The following GRAMD1A variants were observed in gnomAD, a reference collection of about 807,000 sequenced individuals.
GRAMD1A encodes the protein protein Aster-A.
GRAMD1A carries 50 observed loss-of-function variants against 92.0 expected under a neutral mutation model. The ratio of observed to expected loss-of-function variants is 0.54; its 90% CI spans 0.43 to 0.69. The LOEUF is 0.69. Ranked by LOEUF, GRAMD1A falls within the 30% of genes least tolerant of loss-of-function variation. The pLI is 0.00. For synonymous variants in GRAMD1A, 405 were observed against 403.6 expected (o/e 1.00, Z -0.04); for missense variants, 819 against 978.9 (o/e 0.84, Z 2.18).
chr19:35,019,631 G>A, intron 13 of GRAMD1A, 98 bp downstream of exon 13: 1 of 1,213,404 alleles, frequency 8.2e-7, no homozygotes, highest in Non-Finnish European at 1.2e-6. Flanking sequence ...TCCCACCCTG[G>A]TGGAGGAACA....
At chr19:35,009,622 G>A in intron 3 of GRAMD1A, 179 bp downstream of exon 3, 1 of 703,468 alleles carries the variant, frequency 1.4e-6, no homozygotes, top group Non-Finnish European at 2.5e-6. Context: ...TAACCTCTCT[G>A]GGCCTCTCTC....
Position 35,013,713 on chromosome 19 carries a change from G to T in GRAMD1A, c.870+22G>T. 6.3e-7 allele frequency: 1 copy of T among 1,594,076 alleles called. No homozygotes were observed. Among genetic ancestry groups the T allele is most frequent in the East Asian group, 2.2e-5 (1 of 44,600 alleles). On this transcript the variant is annotated intron_variant, in intron 9 of 19. Coordinates refer to ENST00000317991, the MANE Select transcript of GRAMD1A (RefSeq NM_020895.5). This position sits in a 1 kb window ranked among gnomAD's most constrained non-coding sequence, Gnocchi z 4.9. ...TGGGGTGAGCGGTGGGTTGGAAGAG[G>T]GGTGGGATACTGATAGGAAGAGAGA...
chr19:35,015,735 A>T (rs1488402763), intron 10 of GRAMD1A, 89 bp from the exon 11 acceptor site: 2 of 1,313,346 alleles, frequency 1.5e-6, no homozygotes, highest in Non-Finnish European at 2.1e-6. Flanking sequence ...GCCCATGCAC[A>T]CTACAAGGCC....
At chr19:35,009,551 C>A in intron 3 of GRAMD1A, 108 bp downstream of exon 3, 1 of 1,151,958 alleles carries the variant, frequency 8.7e-7, no homozygotes, top group Non-Finnish European at 1.3e-6. Flanking sequence ...GGAGTGGGTG[C>A]AGACCTAGGG....
At chr19:35,005,036 G>A (rs1321092536) in intron 1 of GRAMD1A, among the ~76,000 whole-genome samples, 1 of 152,096 alleles carries the variant, frequency 6.6e-6, no homozygotes, top group Non-Finnish European at 1.5e-5. Context: ...CTGCCCTGGA[G>A]ACCTGCAGGG....
intron 1 of GRAMD1A, among the ~76,000 whole-genome samples, chr19:35,006,118 A>G (rs2014795238): frequency 6.6e-6 from 1 of 152,212 alleles, no homozygotes; most frequent in Non-Finnish European, 1.5e-5. Context: ...GCCTGAGCTC[A>G]GGAGTTCGAG....
In GRAMD1A at chr19:35,011,560, C is replaced by G; in HGVS notation, c.606+6C>G. ...AGAATGCACTGCTTGAAAAGGTGGG[C>G]CTGGGTGAGGCCCGGGTGGGGATGG... On this transcript the variant is annotated splice_donor_region_variant and intron_variant, in intron 7 of 19. Transcript: ENST00000317991. 6.2e-7 allele frequency: 1 copy of G among 1,603,798 alleles called. No homozygotes were observed. The highest frequency in any genetic ancestry group is 1.1e-5 in the South Asian group (1 of 90,946).
chr19:35,011,433 C>T (rs778261790), intron 6 of GRAMD1A, 41 bp from the exon 7 acceptor site: 4 of 1,512,040 alleles, frequency 2.6e-6, no homozygotes, highest in Non-Finnish European at 3.7e-6. Context: ...CTGGTCGCTC[C>T]CCAACCTGCT....
chr19:35,000,439 C>CCCTGA lies in GRAMD1A; in HGVS notation c.-36_-35insACCTG, dbSNP rs1439699050. 24 of 1,243,080 alleles carry CCCTGA rather than the reference C, an allele frequency of 1.9e-5. No individual in the cohort carries two copies. The highest frequency in any genetic ancestry group is 2.3e-5 in the Non-Finnish European group (23 of 990,642). 77.0% of individuals were successfully genotyped at this position (1,243,080 alleles called of 1,614,324 possible). On this transcript the variant is annotated 5_prime_UTR_variant, in exon 1 of 20. Transcript: ENST00000317991. This position sits in a 1 kb window ranked among gnomAD's most constrained non-coding sequence, Gnocchi z 4.9. Reference sequence around the variant, plus strand: ...CGCAGCCCAGCCCTGCCCTGCCCTGCCCTGCCCTGCGCCCGGGGCGCGCCC... The same window carrying CCCTGA: ...CGCAGCCCAGCCCTGCCCTGCCCTGCCCTGACCTGCCCTGCGCCCGGGGCGCGCCC...
At chr19:35,006,203 T>C (rs2014801892) in intron 1 of GRAMD1A, among the ~76,000 whole-genome samples, 1 of 152,132 alleles carries the variant, frequency 6.6e-6, no homozygotes, top group Non-Finnish European at 1.5e-5. Flanking sequence ...GTGCCTGTAA[T>C]CCCAGCTACT....
In GRAMD1A at chr19:35,013,401, C is replaced by A. The variant is rs144426841; in HGVS notation, c.719+33C>A. On this transcript the variant is annotated intron_variant, in intron 8 of 19. Transcript: ENST00000317991. This position sits in a 1 kb window ranked among gnomAD's most constrained non-coding sequence, Gnocchi z 4.9. ...GGAGGTCAAAGGAGGTTGAAGGGTTCGGGGGAGAACAGGACGGTCGGCGTG... is the reference window on the plus strand; with the variant it reads ...GGAGGTCAAAGGAGGTTGAAGGGTTAGGGGGAGAACAGGACGGTCGGCGTG... 18 of 1,504,244 alleles carry A rather than the reference C, an allele frequency of 1.2e-5. No individual in the cohort carries two copies. The highest frequency in any genetic ancestry group is 9.1e-7 in the Non-Finnish European group (1 of 1,095,070). 93.2% of individuals were successfully genotyped at this position (1,504,244 alleles called of 1,614,324 possible).
intron 11 of GRAMD1A, among the ~76,000 whole-genome samples, chr19:35,018,052 G>A (rs12460616): frequency 0.41 from 61,720 of 151,874 alleles, 13,135 homozygotes; most frequent in African/African-American, 0.52. Context: ...CAGTGGCACA[G>A]TCTTGAGTCA....
chr19:35,009,154 G>A lies in GRAMD1A; in HGVS notation c.44G>A (p.Ser15Asn), dbSNP rs1308744637. The A allele has an allele frequency of 1.2e-6, 2 of 1,613,824 alleles. No individual in the cohort carries two copies. The highest frequency in any genetic ancestry group is 1.1e-5 in the South Asian group (1 of 91,076). ...CACTCTGGCCGGAGCACGCCAAGCA[G>A]CTCCCCATCGCTCCGGAAACGGCTG... ...TPHSGRSTPSSSPSLRKRLQL... is the reference protein window; with the variant it reads ...TPHSGRSTPSNSPSLRKRLQL... The change falls in exon 2 of 20, where the codon AGC becomes AAC. Residue 15 changes from serine (S) to asparagine (N), a missense_variant. Transcript: ENST00000317991.
Position 35,021,680 on chromosome 19 carries a change from C to G in GRAMD1A, c.1580-11C>G. The G allele has an allele frequency of 6.2e-7, 1 of 1,614,140 alleles. No homozygotes were observed. The highest frequency in any genetic ancestry group is 8.5e-7 in the Non-Finnish European group (1 of 1,180,012). On this transcript the variant is annotated splice_polypyrimidine_tract_variant and intron_variant, in intron 14 of 19. Coordinates refer to ENST00000317991, the MANE Select transcript of GRAMD1A (RefSeq NM_020895.5). The surrounding 1 kb of genome is among the most constrained non-coding windows in gnomAD (Gnocchi z 5.3). ...GGTATGGACATCCAGAGCCCCCTCT[C>G]TTTTACGCAGAGCGAGAGCTCGCCA...
At position 35,000,805 on chromosome 19, in the gene GRAMD1A, A is replaced by T. The variant is rs2014308404; in HGVS notation, c.8+319A>T. On this transcript the variant is annotated intron_variant, in intron 1 of 19. Transcript: ENST00000317991. This position sits in a 1 kb window ranked among gnomAD's most constrained non-coding sequence, Gnocchi z 4.9. Reference sequence around the variant, plus strand: ...GGCGGGGAGGGCCCTCAGGCCTGGCAACCCCCTGCCTGGTAAGCCAGGGGT... The same window carrying T: ...GGCGGGGAGGGCCCTCAGGCCTGGCTACCCCCTGCCTGGTAAGCCAGGGGT... 6.6e-6 allele frequency among the ~76,000 whole-genome samples: 1 copy of T among 152,070 alleles called. No homozygotes were observed. The highest frequency in any genetic ancestry group is 2.1e-4 in the South Asian group (1 of 4,824).
Position 35,022,010 on chromosome 19 carries a change from C to T in GRAMD1A, c.1813C>T (p.Pro605Ser), listed in dbSNP as rs1442221851. ...SVDQGPGAGI[P>S]SALVLISIVI... Reference sequence around the variant, plus strand: ...GGACCAGGGCCCCGGGGCAGGCATCCCCAGTGCCCTGGTTCTCATCAGCAT... The same window carrying T: ...GGACCAGGGCCCCGGGGCAGGCATCTCCAGTGCCCTGGTTCTCATCAGCAT... Residue 605 changes from proline (P) to serine (S), a missense_variant, in exon 16 of 20, where the codon CCC becomes TCC. By Grantham distance (74) the Pro-to-Ser change is moderately conservative. Around this residue, in one of 3 missense-constraint regions of GRAMD1A, gnomAD observed 577 missense variants for 674.6 expected, o/e 0.86. Coordinates refer to ENST00000317991, the MANE Select transcript of GRAMD1A (RefSeq NM_020895.5). 1 of 1,613,872 alleles carries T rather than the reference C, an allele frequency of 6.2e-7. No homozygotes were observed. The highest frequency in any genetic ancestry group is 1.1e-5 in the South Asian group (1 of 91,014).
rs746889317 is a variant in GRAMD1A at position 35,013,592 on chromosome 19, G to A, written c.771G>A (p.Ser257=). Residue 257 remains serine (S), a synonymous_variant, in exon 9 of 20, where the codon TCG becomes TCA. Transcript: ENST00000317991. This position sits in a 1 kb window ranked among gnomAD's most constrained non-coding sequence, Gnocchi z 4.9. The stretch of plus-strand genomic sequence containing the variant: ...TCGCCCTGAGCGACATCACCTCCTC[G>A]GGGGCAGCTGACCGCAGCCAGGAGC... ...DVIALSDITS[S]GAADRSQEPS... is the part of the protein sequence containing the mutation. 5.0e-6 allele frequency: 8 copies of A among 1,613,384 alleles called. No homozygotes were observed. Among genetic ancestry groups the A allele is most frequent in the South Asian group, 1.1e-5 (1 of 90,990 alleles).
intron 1 of GRAMD1A, among the ~76,000 whole-genome samples, chr19:35,005,379 G>C (rs1344651655): frequency 2.0e-5 from 3 of 152,006 alleles, no homozygotes; most frequent in African/African-American, 4.8e-5. Context: ...TGAGGGAGGT[G>C]GGGGAGCCCT....
rs374293614 is a variant in GRAMD1A at position 35,011,755 on chromosome 19, G to A, written c.606+201G>A. 5.0e-3 allele frequency among the ~76,000 whole-genome samples: 766 copies of A among 152,322 alleles called. 6 individuals are homozygous for A. The highest frequency in any genetic ancestry group is 7.8e-3 in the Non-Finnish European group (532 of 68,032). ...AAAGGGACATGAATTGGTGTAAACC[G>A]TCGTAATTCTTCCCTGGGGCTGGGA... is the stretch of plus-strand genomic sequence containing the variant. On this transcript the variant is annotated intron_variant, in intron 7 of 19. Transcript: ENST00000317991.
Sources: gnomAD v4.1 joint callset for allele counts (sites outside exome capture counted in the v4.1 genomes callset) on GRCh38, gnomAD v4.1.1 for gene constraint, gnomAD v4.1.1 regional missense constraint, Gnocchi (gnomAD v3.1) non-coding constraint, MANE v1.5 for transcripts, NCBI Gene and HGNC (gene_info 2026-07-23, HGNC 2026-07-21) for gene names.